ASAP1: variants seen among roughly 807,000 people sequenced by gnomAD.
ASAP1 encodes the protein arf-GAP with SH3 domain, ANK repeat and PH domain-containing protein 1.
A neutral mutation model predicts 145.2 loss-of-function variants in ASAP1; 43 were observed. The observed-to-expected ratio is 0.30, with a 90% CI of 0.23 to 0.38. The LOEUF is 0.38. Among genes scored for constraint, ASAP1 ranks in the 10% least tolerant of loss-of-function variants. The pLI is 1.00. For missense variants in ASAP1, 1,018 were observed against 1,355.3 expected, an observed-to-expected ratio of 0.75 and a Z score of 3.91; for synonymous variants, 546 against 515.5, an observed-to-expected ratio of 1.06 and a Z score of -0.80.
intron 28 of ASAP1, among the ~76,000 whole-genome samples, chr8:130,058,580 G>A (rs185663881): frequency 6.6e-6 from 1 of 152,306 alleles, no homozygotes; most frequent in Non-Finnish European, 1.5e-5. Flanking sequence ...AGCAGGATCG[G>A]CCTGGGGCTC....
intron 3 of ASAP1, among the ~76,000 whole-genome samples, chr8:130,356,241 A>G (rs1301910394): frequency 1.3e-5 from 2 of 152,214 alleles, no homozygotes. Flanking sequence ...CACCCTTCAC[A>G]AACAGAATAC....
intron 4 of ASAP1, among the ~76,000 whole-genome samples, chr8:130,219,182 CAG>C (rs1817133077): frequency 6.6e-6 from 1 of 150,474 alleles, no homozygotes; most frequent in African/African-American, 2.5e-5. Context: ...AATAAAAACA[CAG>C]GTCTCACATG....
At chr8:130,432,561 T>C (rs1021244034) in intron 1 of ASAP1, among the ~76,000 whole-genome samples, 2 of 152,122 alleles carry the variant, frequency 1.3e-5, no homozygotes, top group African/African-American at 4.8e-5. Flanking sequence ...AAAACTCCCA[T>C]CAGAATAGTC....
intron 26 of ASAP1, among the ~76,000 whole-genome samples, chr8:130,079,567 G>C (rs577642814): frequency 6.6e-6 from 1 of 152,112 alleles, no homozygotes; most frequent in Non-Finnish European, 1.5e-5. Context: ...AAAGTTACTT[G>C]ATTAAAATAT....
In ASAP1 at chr8:130,247,336, TAAG is replaced by T. The variant is rs1427290160; in HGVS notation, c.187-10345_187-10343del. Among the ~76,000 whole-genome samples the T allele has an allele frequency of 3.9e-5, 6 of 152,286 alleles. No homozygotes were observed. The East Asian group carries it at 1.2e-3, about 29-fold the overall frequency. On this transcript the variant is annotated intron_variant, in intron 3 of 29. Transcript: ENST00000518721. ...CTTATATAATCAACACAGTAACTTA[TAAG>T]AAGGTTTCTATTACCTATGTTTGAC... is the stretch of plus-strand genomic sequence containing the variant.
intron 24 of ASAP1, 58 bp from the exon 25 acceptor site, chr8:130,092,201 C>T: frequency 6.6e-7 from 1 of 1,516,850 alleles, no homozygotes; most frequent in Non-Finnish European, 8.8e-7. Context: ...AGATACAAAA[C>T]AGCCAGTATG....
intron 23 of ASAP1, among the ~76,000 whole-genome samples, chr8:130,113,688 C>CT (rs1009255808): frequency 2.6e-5 from 4 of 152,098 alleles, no homozygotes; most frequent in African/African-American, 9.7e-5. Context: ...ACTGTCTTTA[C>CT]TAGCTGGGAG....
rs118163904 is a variant in ASAP1, at chr8:130,433,973, G to A, written c.-28+9487C>T. 1.3e-4 allele frequency among the ~76,000 whole-genome samples: 20 copies of A among 152,296 alleles called. 1 individual carries two copies. In the East Asian group the frequency reaches 1.9e-3, roughly 15 times the overall value. On this transcript the variant is annotated intron_variant, in intron 1 of 29. Coordinates refer to ENST00000518721, the MANE Select transcript of ASAP1 (RefSeq NM_018482.4). Reference sequence around the variant, plus strand: ...AAGTCTGTAGAGGCAATATTGTATCGTGGTCAAGAGTATGGGTATTGAACA... The same window carrying A: ...AAGTCTGTAGAGGCAATATTGTATCATGGTCAAGAGTATGGGTATTGAACA...
chr8:130,387,393 G>A (rs1266385527), intron 2 of ASAP1, among the ~76,000 whole-genome samples: 2 of 152,068 alleles, frequency 1.3e-5, no homozygotes, highest in African/African-American at 2.4e-5. Flanking sequence ...AAAATTAGCT[G>A]AGCATGGTGG....
At chr8:130,313,937 G>A (rs918947231) in intron 3 of ASAP1, among the ~76,000 whole-genome samples, 2 of 152,170 alleles carry the variant, frequency 1.3e-5, no homozygotes, top group Non-Finnish European at 2.9e-5. Flanking sequence ...CAGCCCTGCA[G>A]ACTGCTGGCT....
At chr8:130,347,098 A>C (rs1249092966) in intron 3 of ASAP1, among the ~76,000 whole-genome samples, 3 of 152,124 alleles carry the variant, frequency 2.0e-5, no homozygotes, top group East Asian at 3.9e-4. Context: ...TAAACCAGAA[A>C]TTTTCCGAAG....
chr8:130,312,171 A>G (rs973054404), intron 3 of ASAP1, among the ~76,000 whole-genome samples: 1 of 151,896 alleles, frequency 6.6e-6, no homozygotes, highest in African/African-American at 2.4e-5. Flanking sequence ...TCATCTATCA[A>G]GAAACTGAGG....
chr8:130,260,915 T>C lies in ASAP1; in HGVS notation c.187-23921A>G, dbSNP rs1274903575. Among the ~76,000 whole-genome samples, 3 of 152,112 alleles carry C rather than the reference T, an allele frequency of 2.0e-5. No homozygotes were observed. In the East Asian group the frequency reaches 5.8e-4, roughly 29 times the overall value. ...TGTGGTGCATAAAACCAAATTTGCT[T>C]TTCCCCCCCTCAAGATAAAACACTG... On this transcript the variant is annotated intron_variant, in intron 3 of 29. Coordinates refer to ENST00000518721, the MANE Select transcript of ASAP1 (RefSeq NM_018482.4).
At chr8:130,429,092 G>A (rs955036899) in intron 1 of ASAP1, among the ~76,000 whole-genome samples, 1 of 152,084 alleles carries the variant, frequency 6.6e-6, no homozygotes, top group African/African-American at 2.4e-5. Flanking sequence ...CCTTGACATC[G>A]TCTTCCCTCT....
At chr8:130,107,533 T>C (rs1274916420) in intron 24 of ASAP1, among the ~76,000 whole-genome samples, 1 of 87,332 alleles carries the variant, frequency 1.1e-5, no homozygotes, top group East Asian at 3.1e-4. Context: ...TATGTATGTA[T>C]GTATGTATGT....
At chr8:130,437,688 T>C (rs1253449855) in intron 1 of ASAP1, among the ~76,000 whole-genome samples, 3 of 152,220 alleles carry the variant, frequency 2.0e-5, no homozygotes, top group East Asian at 3.8e-4. Context: ...GGCAGAAGCC[T>C]TGACCAAAAA....
At chr8:130,348,775 A>G (rs2138019967) in intron 3 of ASAP1, among the ~76,000 whole-genome samples, 1 of 152,362 alleles carries the variant, frequency 6.6e-6, no homozygotes, top group East Asian at 1.9e-4. Flanking sequence ...TGTAATCAGT[A>G]AAGCACCTAA....
intron 13 of ASAP1, among the ~76,000 whole-genome samples, chr8:130,140,460 A>G (rs1478704900): frequency 2.0e-5 from 3 of 151,740 alleles, no homozygotes; most frequent in African/African-American, 7.3e-5. Context: ...GTATTATTTT[A>G]TCATCCAGGT....
At chr8:130,319,196 G>C (rs1420660888) in intron 3 of ASAP1, among the ~76,000 whole-genome samples, 1 of 152,172 alleles carries the variant, frequency 6.6e-6, no homozygotes. Flanking sequence ...TCTGCAGCTA[G>C]AAATAGAATG....
Sources: gnomAD v4.1 joint callset for allele counts (sites outside exome capture counted in the v4.1 genomes callset) on GRCh38, gnomAD v4.1.1 for gene constraint, MANE v1.5 for transcripts, NCBI Gene and HGNC (gene_info 2026-07-23, HGNC 2026-07-21) for gene names.